Variants in CEP135 observed in about 807,000 individuals in gnomAD.
CEP135 encodes centrosomal protein 135.
A neutral mutation model predicts 157.3 loss-of-function variants in CEP135; 142 were observed. The ratio of observed to expected loss-of-function variants is 0.90; its 90% CI spans 0.79 to 1.04. The LOEUF (loss-of-function observed/expected upper bound fraction) is 1.04, where lower values mean the gene tolerates loss of function less well. CEP135 is among the 50% of genes least tolerant of loss of function. The probability of loss-of-function intolerance (pLI) is 0.00; values close to 1 mark genes in which losing one functional copy is unlikely to be tolerated. For synonymous variants in CEP135, 396 were observed against 439.8 expected (o/e 0.90, Z 1.25); for missense variants, 1,317 against 1,309.2 (o/e 1.01, Z -0.09).
chr4:55,971,507 T>C, intron 10 of CEP135, 99 bp downstream of exon 10: 2 of 1,204,288 alleles, frequency 1.7e-6, no homozygotes, highest in Non-Finnish European at 1.1e-6. Context: ...ATTCAATAAA[T>C]ATTTGTTGAG....
At chr4:56,021,000 T>C (rs1730956579) in intron 24 of CEP135, among the ~76,000 whole-genome samples, 1 of 152,224 alleles carries the variant, frequency 6.6e-6, no homozygotes, top group South Asian at 2.1e-4. Flanking sequence ...GCGGATGCTA[T>C]ATAAATATTT....
chr4:55,975,420 G>A (rs568404240), intron 11 of CEP135, among the ~76,000 whole-genome samples: 4 of 152,256 alleles, frequency 2.6e-5, no homozygotes, highest in South Asian at 4.1e-4. Context: ...TCTATTAACC[G>A]TACTATGGGA....
chr4:56,026,661 A>G (rs571114677), intron 25 of CEP135, among the ~76,000 whole-genome samples: 2 of 152,310 alleles, frequency 1.3e-5, no homozygotes, highest in East Asian at 3.9e-4. Context: ...AGTGAAATTG[A>G]TGGATCACTG....
chr4:55,952,384 T>C (rs1210901887), intron 2 of CEP135, 141 bp downstream of exon 2: 3 of 597,362 alleles, frequency 5.0e-6, no homozygotes, highest in Non-Finnish European at 9.1e-6. Flanking sequence ...TTTTTCCCTG[T>C]CCTCAATCCA....
chr4:56,011,075 TAAA>T (rs928176477), intron 19 of CEP135, among the ~76,000 whole-genome samples: 1 of 147,170 alleles, frequency 6.8e-6, no homozygotes, highest in Non-Finnish European at 1.5e-5. Flanking sequence ...CTCAGAAAAT[TAAA>T]AAAAAAAATT....
At chr4:56,000,223 T>C (rs1020736098) in intron 17 of CEP135, among the ~76,000 whole-genome samples, 1 of 152,188 alleles carries the variant, frequency 6.6e-6, no homozygotes, top group East Asian at 1.9e-4. Context: ...TTTATGTACT[T>C]TTATTGGTAC....
Position 55,997,504 on chromosome 4 carries a change from G to A in CEP135, c.2010-1798G>A, listed in dbSNP as rs115630769. 5.9e-3 allele frequency among the ~76,000 whole-genome samples: 897 copies of A among 152,142 alleles called. 4 individuals are homozygous for A. Among genetic ancestry groups the A allele is most frequent in the African/African-American group, 0.02 (832 of 41,488 alleles). ...CAGTGTCCTTCATTAAGGTTTCTGCGGGTCATTCTGTTTTTGAAAGGACTC... is the reference window on the plus strand; with the variant it reads ...CAGTGTCCTTCATTAAGGTTTCTGCAGGTCATTCTGTTTTTGAAAGGACTC... On this transcript the variant is annotated intron_variant, in intron 15 of 25. Coordinates refer to ENST00000257287, the MANE Select transcript of CEP135 (RefSeq NM_025009.5).
Position 55,975,049 on chromosome 4 carries a change from C to T in CEP135, c.1473+80C>T, listed in dbSNP as rs73820223. The T allele has an allele frequency of 6.5e-3, 6,733 of 1,028,462 alleles. 282 individuals carry two copies. The African/African-American group carries it at 0.095, about 14-fold the overall frequency. The allele number at this position is 1,028,462 out of a possible 1,614,324, so 63.7% of individuals were successfully genotyped here. On this transcript the variant is annotated intron_variant, in intron 11 of 25. Coordinates refer to ENST00000257287, the MANE Select transcript of CEP135 (RefSeq NM_025009.5). Reference sequence around the variant, plus strand: ...TGGTTTATTATTATATTAAATGTAACTTTATTCGTACTTGCTTTGAAAAAT... The same window carrying T: ...TGGTTTATTATTATATTAAATGTAATTTTATTCGTACTTGCTTTGAAAAAT...
At chr4:56,014,710 C>CA (rs1560423039) in intron 21 of CEP135, among the ~76,000 whole-genome samples, 2 of 151,968 alleles carry the variant, frequency 1.3e-5, no homozygotes. Context: ...AGAAATGGAG[C>CA]AAGGAACTGA....
intron 13 of CEP135, among the ~76,000 whole-genome samples, chr4:55,984,049 C>T (rs1039322085): frequency 4.6e-5 from 7 of 152,286 alleles, no homozygotes; most frequent in South Asian, 2.1e-4. Flanking sequence ...CCTGTACTAG[C>T]CTTACCTCTC....
intron 25 of CEP135, among the ~76,000 whole-genome samples, chr4:56,025,664 T>A (rs924101408): frequency 6.6e-6 from 1 of 152,150 alleles, no homozygotes; most frequent in Non-Finnish European, 1.5e-5. Flanking sequence ...TCTGGTAGAT[T>A]AATTTCACAA....
At chr4:55,974,685 C>T in intron 10 of CEP135, 61 bp from the exon 11 acceptor site, 2 of 1,233,042 alleles carry the variant, frequency 1.6e-6, no homozygotes, top group Non-Finnish European at 2.3e-6. Context: ...ATATAATTTA[C>T]TTGACTAATC....
chr4:56,011,749 C>A, intron 20 of CEP135, 51 bp from the exon 21 acceptor site: 1 of 1,429,910 alleles, frequency 7.0e-7, no homozygotes, highest in Non-Finnish European at 9.5e-7. Context: ...ATAGGTGTTC[C>A]AGGAAGTGAC....
At chr4:55,956,262 G>A (rs777448287) in intron 4 of CEP135, among the ~76,000 whole-genome samples, 23 of 152,258 alleles carry the variant, frequency 1.5e-4, no homozygotes, top group Admixed American at 2.0e-4. Context: ...TGTGGATTAT[G>A]TTTGTTCTTC....
intron 1 of CEP135, among the ~76,000 whole-genome samples, chr4:55,951,543 C>T (rs188015107): frequency 5.8e-4 from 89 of 152,250 alleles, no homozygotes; most frequent in African/African-American, 1.1e-3. Flanking sequence ...GGTGTCTGTT[C>T]GAATCTTTAG....
intron 7 of CEP135, chr4:55,964,740 G>A (rs1403546044): frequency 1.3e-5 from 2 of 156,390 alleles, no homozygotes; most frequent in African/African-American, 4.8e-5. Context: ...ATATACCAAA[G>A]TATACTAACA....
At chr4:56,002,952 G>T (rs773922954) in intron 17 of CEP135, among the ~76,000 whole-genome samples, 5 of 152,122 alleles carry the variant, frequency 3.3e-5, no homozygotes, top group Non-Finnish European at 7.4e-5. Context: ...TTCAAACTTG[G>T]TAGCTTGTAA....
chr4:56,003,357 C>T (rs887701911), intron 17 of CEP135, among the ~76,000 whole-genome samples: 1 of 151,952 alleles, frequency 6.6e-6, no homozygotes, highest in Admixed American at 6.6e-5. Flanking sequence ...AGGTGCCCAC[C>T]ACCACACCTG....
Position 56,009,745 on chromosome 4 carries a change from G to A in CEP135, c.2347G>A (p.Glu783Lys). ...TCACTCATTTAACAGCCAGCTGAAA[G>A]AAACATTGGTTAATCGAGATCGTGA... The part of the protein sequence containing the change: ...ECESSVNQLK[E>K]TLVNRDREIN... Residue 783 changes from glutamate to lysine, a missense_variant, in exon 19 of 26, where the codon GAA becomes AAA. Physicochemically the swap from Glu to Lys is moderately conservative, Grantham distance 56. Coordinates refer to ENST00000257287, the MANE Select transcript of CEP135 (RefSeq NM_025009.5). 1 of 1,598,986 alleles carries A rather than the reference G, an allele frequency of 6.3e-7. No homozygotes were observed. The highest frequency in any genetic ancestry group is 1.2e-5 in the South Asian group (1 of 86,806).
Sources: allele counts gnomAD v4.1 joint callset (sites outside exome capture counted in the v4.1 genomes callset), GRCh38; gene constraint gnomAD v4.1.1; transcripts MANE v1.5; gene names NCBI Gene and HGNC (gene_info 2026-07-23, HGNC 2026-07-21).